The following HRK variants were observed in gnomAD, a reference collection of about 807,000 sequenced individuals.
HRK encodes the protein harakiri, BCL2 interacting protein.
HRK carries 6 observed loss-of-function variants against 5.9 expected under a neutral mutation model. The ratio of observed to expected loss-of-function variants is 1.02; its 90% confidence interval spans 0.56 to 2.01. The LOEUF is 2.01. HRK is among the 30% of genes most tolerant of loss of function. HRK has a pLI of 0.00. For missense variants in HRK, 133 were observed against 128.3 expected, an observed-to-expected ratio of 1.04 and a Z score of -0.18; for synonymous variants, 85 against 65.1, an observed-to-expected ratio of 1.31 and a Z score of -1.47.
rs1565886702 is a variant in HRK at position 116,881,205 on chromosome 12, C to A, written c.103G>T (p.Ala35Ser). 1 of 1,130,944 alleles carries A rather than the reference C, an allele frequency of 8.8e-7. No homozygotes were observed. The highest frequency in any genetic ancestry group is 1.1e-6 in the Non-Finnish European group (1 of 925,012). 70.1% of individuals were successfully genotyped at this position (1,130,944 alleles called of 1,614,324 possible). A position where few individuals can be genotyped will look rare whatever the true frequency, so the allele number is the denominator to read the frequency against. Reference protein sequence around the residue: ...LRSSAAQLTAARLKALGDELH... With the variant: ...LRSSAAQLTASRLKALGDELH... The stretch of plus-strand genomic sequence containing the variant: ...TCGTCGCCTAGCGCCTTGAGCCGGG[C>A]GGCGGTGAGCTGCGCGGCGGACGAG... Residue 35 changes from alanine to serine, a missense_variant, in exon 1 of 2, where the codon GCC becomes TCC. Coordinates refer to ENST00000257572, the MANE Select transcript of HRK (RefSeq NM_003806.4).
chr12:116,879,007 A>G lies in HRK; in HGVS notation c.*56+1969T>C, dbSNP rs759691956. On this transcript the variant is annotated intron_variant, in intron 1 of 1. Coordinates refer to ENST00000257572, the MANE Select transcript of HRK (RefSeq NM_003806.4). This position sits in a 1 kb window ranked among gnomAD's most constrained non-coding sequence, Gnocchi z 5.6. ...CCTGCGCTCCGGCGCAGAGCGGCGC[A>G]ATCTGCCCGCCCCGCCCGCAGCCTC... is the stretch of plus-strand genomic sequence containing the variant. 1 of 152,286 alleles carries G rather than the reference A, an allele frequency of 6.6e-6. No homozygotes were observed. Among genetic ancestry groups the G allele is most frequent in the African/African-American group, 2.4e-5 (1 of 41,400 alleles). 9.4% of individuals were successfully genotyped at this position (152,286 alleles called of 1,614,324 possible).
rs1878408822 is a variant in HRK at position 116,862,708 on chromosome 12, T to TTTG, written c.*57-1243_*57-1242insCAA. ...TTGTACACCTTAAAAAGGTAGGGTTTTTTGTTTGTTTGTTTGTTTGTTTGT... is the reference window on the plus strand; with the variant it reads ...TTGTACACCTTAAAAAGGTAGGGTTTTTGTTTGTTTGTTTGTTTGTTTGTTTGT... On this transcript the variant is annotated intron_variant, in intron 1 of 1. Coordinates refer to ENST00000257572, the MANE Select transcript of HRK (RefSeq NM_003806.4). The surrounding 1 kb of genome is among the most constrained non-coding windows in gnomAD (Gnocchi z 4.0). Among the ~76,000 whole-genome samples the TTTG allele has an allele frequency of 2.0e-5, 3 of 150,790 alleles. No individual in the cohort carries two copies. The highest frequency in any genetic ancestry group is 2.4e-5 in the African/African-American group (1 of 40,934).
At position 116,859,552 on chromosome 12, in the gene HRK, A is replaced by G. The variant is rs1878279525; in HGVS notation, c.*1971T>C. 6.6e-6 allele frequency: 1 copy of G among 152,162 alleles called. No individual in the cohort carries two copies. Among genetic ancestry groups the G allele is most frequent in the Non-Finnish European group, 1.5e-5 (1 of 68,028 alleles). 9.4% of individuals were successfully genotyped at this position (152,162 alleles called of 1,614,324 possible). ...CCACTGCTCTCTGCAGTCCCCAGCT[A>G]AGCGAGGGTCCCCTGCAAACATCAG... On this transcript the variant is annotated 3_prime_UTR_variant, in exon 2 of 2. Transcript: ENST00000257572.
rs1173117901 is a variant in HRK at position 116,881,147 on chromosome 12, G to T, written c.161C>A (p.Ala54Glu). ...GGGCGCCGGCGCCCTCCGGCTCCGC[G>T]CGCGGCGCCGCCACATGGTGCGCTG... is the stretch of plus-strand genomic sequence containing the variant. ...LHQRTMWRRR[A>E]RSRRAPAPGA... Residue 54 changes from alanine to glutamate, a missense_variant, in exon 1 of 2, where the codon GCG becomes GAG. By Grantham distance (107) the Ala-to-Glu change is moderately radical. Transcript: ENST00000257572. 8.4e-7 allele frequency: 1 copy of T among 1,186,114 alleles called. No individual in the cohort carries two copies. The highest frequency in any genetic ancestry group is 4.0e-5 in the South Asian group (1 of 25,148). The allele number at this position is 1,186,114 out of a possible 1,614,324, so 73.5% of individuals were successfully genotyped here. A position where few individuals can be genotyped will look rare whatever the true frequency, so the allele number is the denominator to read the frequency against.
At position 116,881,413 on chromosome 12, in the gene HRK, T is replaced by A. The variant is rs564574409; in HGVS notation, c.-106A>T. On this transcript the variant is annotated 5_prime_UTR_variant, in exon 1 of 2. Transcript: ENST00000257572. ...CGCTCCAGCCGCCGGGGGCCTCCCC[T>A]GGACACCAAGTTTCTCCTTGTGTTG... 6.4e-6 allele frequency: 6 copies of A among 934,974 alleles called. No homozygotes were observed. In the South Asian group the frequency reaches 2.0e-4, roughly 31 times the overall value. The allele number at this position is 934,974 out of a possible 1,614,324, so 57.9% of individuals were successfully genotyped here.
At position 116,856,789 on chromosome 12, in the gene HRK, T is replaced by G. The variant is rs1220255151; in HGVS notation, c.*4734A>C. ...GAGTCCAAATCTTGGCTCAGGCACTTCGCTGGTGGTGTGGCCTTCAGCTAA... is the reference window on the plus strand; with the variant it reads ...GAGTCCAAATCTTGGCTCAGGCACTGCGCTGGTGGTGTGGCCTTCAGCTAA... On this transcript the variant is annotated 3_prime_UTR_variant, in exon 2 of 2. Coordinates refer to ENST00000257572, the MANE Select transcript of HRK (RefSeq NM_003806.4). This position sits in a 1 kb window ranked among gnomAD's most constrained non-coding sequence, Gnocchi z 4.4. 3 of 152,414 alleles carry G rather than the reference T, an allele frequency of 2.0e-5. No individual in the cohort carries two copies. Among genetic ancestry groups the G allele is most frequent in the Non-Finnish European group, 4.4e-5 (3 of 68,088 alleles). 9.4% of individuals were successfully genotyped at this position (152,414 alleles called of 1,614,324 possible). A position where few individuals can be genotyped will look rare whatever the true frequency, so the allele number is the denominator to read the frequency against.
At chr12:116,871,169 C>G (rs1878736433) in intron 1 of HRK, among the ~76,000 whole-genome samples, 1 of 151,626 alleles carries the variant, frequency 6.6e-6, no homozygotes, top group African/African-American at 2.4e-5. Flanking sequence ...GTTGGCCAGG[C>G]TGGTCTTAAA....
rs974678054 is a variant in HRK, at chr12:116,856,263, C to A, written c.*5260G>T. 1.3e-5 allele frequency: 2 copies of A among 152,186 alleles called. No homozygotes were observed. Among genetic ancestry groups the A allele is most frequent in the Non-Finnish European group, 2.9e-5 (2 of 68,038 alleles). The allele number at this position is 152,186 out of a possible 1,614,324, so 9.4% of individuals were successfully genotyped here. ...CGTCAGAACCAACAACGTCAGAACCCAGAACGGAACGTCCCCAAGCTTATT... is the reference window on the plus strand; with the variant it reads ...CGTCAGAACCAACAACGTCAGAACCAAGAACGGAACGTCCCCAAGCTTATT... On this transcript the variant is annotated 3_prime_UTR_variant, in exon 2 of 2. Transcript: ENST00000257572. This position sits in a 1 kb window ranked among gnomAD's most constrained non-coding sequence, Gnocchi z 4.4.
rs919438270 is a variant in HRK, at chr12:116,860,551, G to A, written c.*972C>T. ...TGGGGGTGGGGGAGATAGCAACCAA[G>A]TCATGCATGAGGTCAGCTTTCTGCC... On this transcript the variant is annotated 3_prime_UTR_variant, in exon 2 of 2. Coordinates refer to ENST00000257572, the MANE Select transcript of HRK (RefSeq NM_003806.4). 2.0e-5 allele frequency: 3 copies of A among 152,062 alleles called. No individual in the cohort carries two copies. The highest frequency in any genetic ancestry group is 6.6e-5 in the Admixed American group (1 of 15,254). The allele number at this position is 152,062 out of a possible 1,614,324, so 9.4% of individuals were successfully genotyped here. A position where few individuals can be genotyped will look rare whatever the true frequency, so the allele number is the denominator to read the frequency against.
chr12:116,876,361 C>G (rs1051772216), intron 1 of HRK, among the ~76,000 whole-genome samples: 2 of 152,226 alleles, frequency 1.3e-5, no homozygotes, highest in Non-Finnish European at 2.9e-5. Flanking sequence ...GGAGGGAGGC[C>G]TGCGGGATGC....
chr12:116,870,900 C>T (rs1349495291), intron 1 of HRK, among the ~76,000 whole-genome samples: 1 of 152,052 alleles, frequency 6.6e-6, no homozygotes, highest in Non-Finnish European at 1.5e-5. Flanking sequence ...CTTTATAATA[C>T]AAGAATGCTA....
At chr12:116,870,950 G>A (rs868701820) in intron 1 of HRK, among the ~76,000 whole-genome samples, 3 of 152,252 alleles carry the variant, frequency 2.0e-5, no homozygotes, top group East Asian at 1.9e-4. Context: ...ACAGAGTCTC[G>A]CTCTGTCGCT....
intron 1 of HRK, among the ~76,000 whole-genome samples, chr12:116,865,815 G>C (rs1352549577): frequency 6.6e-6 from 1 of 152,124 alleles, no homozygotes; most frequent in African/African-American, 2.4e-5. Context: ...GCGTATACTA[G>C]GCGCTCAATT....
chr12:116,863,156 G>A (rs1878424969), intron 1 of HRK, among the ~76,000 whole-genome samples: 1 of 152,246 alleles, frequency 6.6e-6, no homozygotes, highest in Non-Finnish European at 1.5e-5. Flanking sequence ...AGTGATATAG[G>A]AGAGAAAGTG....
In HRK at chr12:116,878,731, G is replaced by C. The variant is rs1315991998; in HGVS notation, c.*56+2245C>G. ...CGCCAGAGGCTGCAGAACCCTGGAG[G>C]GTGTGGCTGCAGGGGACGCCCGGGC... On this transcript the variant is annotated intron_variant, in intron 1 of 1. Coordinates refer to ENST00000257572, the MANE Select transcript of HRK (RefSeq NM_003806.4). This position sits in a 1 kb window ranked among gnomAD's most constrained non-coding sequence, Gnocchi z 4.4. Among the ~76,000 whole-genome samples the C allele has an allele frequency of 6.6e-6, 1 of 152,186 alleles. No homozygotes were observed. The highest frequency in any genetic ancestry group is 1.5e-5 in the Non-Finnish European group (1 of 68,034).
rs1468794853 is a variant in HRK at position 116,871,122 on chromosome 12, G to GTTT, written c.*57-9659_*57-9657dup. On this transcript the variant is annotated intron_variant, in intron 1 of 1. Coordinates refer to ENST00000257572, the MANE Select transcript of HRK (RefSeq NM_003806.4). ...GTTTTGTTTTGTTTTGTTTTGTTTT[G>GTTT]TTTTGTTTTGTTTTAGTAGAAGCGA... Among the ~76,000 whole-genome samples, 4 of 151,256 alleles carry GTTT rather than the reference G, an allele frequency of 2.6e-5. No individual in the cohort carries two copies. The East Asian group carries it at 7.8e-4, about 29-fold the overall frequency.
chr12:116,874,425 C>CTG (rs1878863480), intron 1 of HRK, among the ~76,000 whole-genome samples: 1 of 152,212 alleles, frequency 6.6e-6, no homozygotes, highest in Non-Finnish European at 1.5e-5. Flanking sequence ...CTCATCACCA[C>CTG]AGGTGAGGAG....
rs1879119729 is a variant in HRK, at chr12:116,880,911, G to A, written c.*56+65C>T. 9 of 676,804 alleles carry A rather than the reference G, an allele frequency of 1.3e-5. No individual in the cohort carries two copies. The East Asian group carries it at 3.2e-4, about 24-fold the overall frequency. The allele number at this position is 676,804 out of a possible 1,614,324, so 41.9% of individuals were successfully genotyped here. ...CCAAACTTGCCACTCTCCCGCTCCC[G>A]GGCCAGCCCAGCGTCTCCAGTGCCC... On this transcript the variant is annotated intron_variant, in intron 1 of 1. Transcript: ENST00000257572.
chr12:116,866,300 T>TA (rs1027252487), intron 1 of HRK, among the ~76,000 whole-genome samples: 1 of 150,750 alleles, frequency 6.6e-6, no homozygotes, highest in African/African-American at 2.4e-5. Context: ...CATGTGTCCC[T>TA]AATCCCTGCT....
Sources: allele counts gnomAD v4.1 joint callset (sites outside exome capture counted in the v4.1 genomes callset), GRCh38; gene constraint gnomAD v4.1.1; non-coding constraint Gnocchi (gnomAD v3.1); transcripts MANE v1.5; gene names NCBI Gene and HGNC (gene_info 2026-07-23, HGNC 2026-07-21).